The following UBTD2 variants were observed in gnomAD, a reference collection of about 807,000 sequenced individuals.
UBTD2 encodes the protein ubiquitin domain containing 2.
UBTD2 carries 9 observed loss-of-function variants against 19.8 expected under a neutral mutation model. The observed-to-expected ratio is 0.46, with a 90% CI of 0.27 to 0.79. The LOEUF (loss-of-function observed/expected upper bound fraction) is 0.79, where lower values mean the gene tolerates loss of function less well. UBTD2 is among the 30% of genes least tolerant of loss of function. The pLI is 0.14. For missense variants in UBTD2, 250 were observed against 300.4 expected (o/e 0.83, Z 1.24); for synonymous variants, 98 against 103.9 (o/e 0.94, Z 0.35).
chr5:172,238,643 A>G (rs1772058751), intron 1 of UBTD2, among the ~76,000 whole-genome samples: 1 of 152,206 alleles, frequency 6.6e-6, no homozygotes, highest in Admixed American at 6.5e-5. Flanking sequence ...TCAGATCTAA[A>G]TAACACATAA....
chr5:172,224,574 A>G (rs1209688095), intron 2 of UBTD2, among the ~76,000 whole-genome samples: 1 of 152,074 alleles, frequency 6.6e-6, no homozygotes, highest in Admixed American at 6.5e-5. Context: ...TACAGGCATG[A>G]GCCACTGTGC....
chr5:172,277,984 AAGAG>A (rs1325852924), intron 1 of UBTD2, among the ~76,000 whole-genome samples: 1 of 152,194 alleles, frequency 6.6e-6, no homozygotes, highest in African/African-American at 2.4e-5. Flanking sequence ...AAATCAAACT[AAGAG>A]ATACTACTTC....
At chr5:172,225,568 G>A (rs1439720149) in intron 2 of UBTD2, among the ~76,000 whole-genome samples, 1 of 152,074 alleles carries the variant, frequency 6.6e-6, no homozygotes, top group Non-Finnish European at 1.5e-5. Context: ...GCAGCTCAGT[G>A]TTAAAAATTT....
At chr5:172,260,100 C>G (rs1050090433) in intron 1 of UBTD2, among the ~76,000 whole-genome samples, 1 of 137,054 alleles carries the variant, frequency 7.3e-6, no homozygotes, top group African/African-American at 2.8e-5. Context: ...AAAAGAAGAG[C>G]AAATGCAAAG....
chr5:172,234,510 A>C (rs1436133148), intron 1 of UBTD2, 152 bp from the exon 2 acceptor site: 1 of 701,780 alleles, frequency 1.4e-6, no homozygotes, highest in Admixed American at 2.7e-5. Flanking sequence ...AATTCCTCTA[A>C]CACATTTTGG....
chr5:172,241,999 C>CA (rs1258449596), intron 1 of UBTD2, among the ~76,000 whole-genome samples: 3 of 152,236 alleles, frequency 2.0e-5, no homozygotes, highest in Non-Finnish European at 4.4e-5. Context: ...GCCTGGGCAA[C>CA]AGAGGAAGAC....
intron 2 of UBTD2, among the ~76,000 whole-genome samples, chr5:172,222,254 T>G (rs1445736874): frequency 2.0e-5 from 3 of 152,176 alleles, no homozygotes; most frequent in Admixed American, 2.0e-4. Flanking sequence ...AATCCTCCAC[T>G]ATTTAATGGC....
At chr5:172,230,426 A>G (rs900663531) in intron 2 of UBTD2, among the ~76,000 whole-genome samples, 1 of 152,224 alleles carries the variant, frequency 6.6e-6, no homozygotes. Flanking sequence ...GAGTTCAGGA[A>G]ATAAGATCAT....
chr5:172,282,692 T>C (rs548811531), intron 1 of UBTD2, among the ~76,000 whole-genome samples: 15 of 152,336 alleles, frequency 9.8e-5, no homozygotes, highest in Non-Finnish European at 2.2e-4. Flanking sequence ...AGAATGGACG[T>C]AACCAAAGGT....
At chr5:172,229,362 A>G (rs544266184) in intron 2 of UBTD2, among the ~76,000 whole-genome samples, 74 of 152,052 alleles carry the variant, frequency 4.9e-4, no homozygotes, top group Non-Finnish European at 8.8e-4. Context: ...TTAGCCAGGC[A>G]TGGTGGCGGG....
At chr5:172,221,189 T>C (rs1224823650) in intron 2 of UBTD2, among the ~76,000 whole-genome samples, 2 of 152,162 alleles carry the variant, frequency 1.3e-5, no homozygotes, top group Non-Finnish European at 2.9e-5. Context: ...GTCTATAGAT[T>C]TGATGCAAAT....
intron 1 of UBTD2, among the ~76,000 whole-genome samples, chr5:172,253,338 T>G (rs962984338): frequency 1.3e-5 from 2 of 152,230 alleles, no homozygotes; most frequent in African/African-American, 4.8e-5. Context: ...TTGAGAAACT[T>G]GCCCATTATT....
At chr5:172,261,922 C>G (rs186029785) in intron 1 of UBTD2, among the ~76,000 whole-genome samples, 36 of 152,094 alleles carry the variant, frequency 2.4e-4, no homozygotes, top group Non-Finnish European at 4.3e-4. Flanking sequence ...CCACACCCAG[C>G]CTCACTCACA....
chr5:172,272,856 G>A (rs914513314), intron 1 of UBTD2, among the ~76,000 whole-genome samples: 3 of 152,028 alleles, frequency 2.0e-5, no homozygotes, highest in African/African-American at 4.8e-5. Flanking sequence ...CGAGGCAGGC[G>A]GACCACAAGG....
intron 1 of UBTD2, among the ~76,000 whole-genome samples, chr5:172,246,315 G>A (rs1169129217): frequency 1.3e-5 from 2 of 150,592 alleles, no homozygotes; most frequent in African/African-American, 2.4e-5. Context: ...AAAACAGAAA[G>A]CAAAGGAAAA....
chr5:172,265,967 T>A lies in UBTD2; in HGVS notation c.70+17629A>T, dbSNP rs190741408. Among the ~76,000 whole-genome samples the A allele has an allele frequency of 6.0e-3, 917 of 151,714 alleles. 5 individuals carry two copies. Among genetic ancestry groups the A allele is most frequent in the African/African-American group, 0.021 (876 of 41,354 alleles). ...TTTCTTTTTTGAGACAGAGTCTTGCTCTGTCACCCAGGCTGGAGTGCAGTG... is the reference window on the plus strand; with the variant it reads ...TTTCTTTTTTGAGACAGAGTCTTGCACTGTCACCCAGGCTGGAGTGCAGTG... On this transcript the variant is annotated intron_variant, in intron 1 of 2. Transcript: ENST00000393792.
intron 1 of UBTD2, among the ~76,000 whole-genome samples, chr5:172,258,570 C>G (rs1755205581): frequency 6.6e-6 from 1 of 152,200 alleles, no homozygotes; most frequent in East Asian, 1.9e-4. Flanking sequence ...GGGCTGTATG[C>G]CCATCTTAAC....
intron 1 of UBTD2, among the ~76,000 whole-genome samples, chr5:172,249,195 C>A (rs1341514883): frequency 6.6e-6 from 1 of 151,630 alleles, no homozygotes; most frequent in Non-Finnish European, 1.5e-5. Context: ...GTCAGGAGTT[C>A]GAGACCAACT....
intron 2 of UBTD2, among the ~76,000 whole-genome samples, chr5:172,226,671 TC>T: frequency 6.6e-6 from 1 of 152,334 alleles, no homozygotes; most frequent in Admixed American, 6.5e-5. Flanking sequence ...CAAAGGGCCA[TC>T]AAAATTATCT....
Sources: gnomAD v4.1 joint callset for allele counts (sites outside exome capture counted in the v4.1 genomes callset) on GRCh38, gnomAD v4.1.1 for gene constraint, MANE v1.5 for transcripts, NCBI Gene and HGNC (gene_info 2026-07-23, HGNC 2026-07-21) for gene names.